The following EDAR variants were observed in gnomAD, a reference collection of about 807,000 sequenced individuals.
EDAR encodes ectodysplasin A receptor.
Under a neutral mutation model 51.3 loss-of-function variants are expected in EDAR, and 38 were observed. The observed-to-expected ratio is 0.74, with a 90% confidence interval of 0.57 to 0.97. The LOEUF is 0.97. EDAR is among the 50% of genes least tolerant of loss of function. The pLI is 0.00. For missense variants in EDAR, 528 were observed against 595.0 expected (o/e 0.89, Z 1.17); for synonymous variants, 227 against 242.1 (o/e 0.94, Z 0.58).
chr2:108,978,204 A>G (rs1437098945), intron 1 of EDAR, among the ~76,000 whole-genome samples: 1 of 152,198 alleles, frequency 6.6e-6, no homozygotes, highest in East Asian at 1.9e-4. Context: ...ATAGACGTGC[A>G]TATCTTTTAG....
intron 11 of EDAR, among the ~76,000 whole-genome samples, chr2:108,898,657 G>T (rs1234909862): frequency 6.6e-6 from 1 of 152,078 alleles, no homozygotes; most frequent in African/African-American, 2.4e-5. Context: ...AGGTTTTAAA[G>T]AATTCATAAT....
chr2:108,921,074 C>T (rs1324860342), intron 5 of EDAR, among the ~76,000 whole-genome samples: 1 of 152,208 alleles, frequency 6.6e-6, no homozygotes, highest in Admixed American at 6.5e-5. Flanking sequence ...TCATAAGAAA[C>T]CCCCAGGGTG....
Position 108,896,883 on chromosome 2 carries a change from G to A in EDAR, c.*24C>T. The A allele has an allele frequency of 1.2e-6, 2 of 1,602,086 alleles. No homozygotes were observed. Among genetic ancestry groups the A allele is most frequent in the Non-Finnish European group, 1.7e-6 (2 of 1,174,108 alleles). ...TCGTTGGCTCCTTGGCTTGTCCTGG[G>A]AGGACAGCCCACAGGCATGCTTTTC... On this transcript the variant is annotated 3_prime_UTR_variant, in exon 12 of 12. Coordinates refer to ENST00000258443, the MANE Select transcript of EDAR (RefSeq NM_022336.4).
At chr2:108,942,898 C>T (rs556761982) in intron 1 of EDAR, among the ~76,000 whole-genome samples, 1 of 152,198 alleles carries the variant, frequency 6.6e-6, no homozygotes, top group Non-Finnish European at 1.5e-5. Context: ...TTGTTTTGAA[C>T]GATTCAATAG....
intron 1 of EDAR, among the ~76,000 whole-genome samples, chr2:108,982,021 C>T (rs995484428): frequency 1.3e-5 from 2 of 152,382 alleles, no homozygotes; most frequent in East Asian, 1.9e-4. Context: ...AAAGAGGGCA[C>T]AGTCAGTGCA....
Position 108,930,922 on chromosome 2 carries a change from A to C in EDAR, c.51+42T>G, listed in dbSNP as rs544243619. The C allele has an allele frequency of 7.5e-6, 12 of 1,601,928 alleles. No individual in the cohort carries two copies. In the African/African-American group the frequency reaches 1.6e-4, roughly 21 times the overall value. The stretch of plus-strand genomic sequence containing the variant: ...GCCAAGAAACAGTCCAACCATCATG[A>C]GGATGAGGGTGCTGTGGGGGTAAGG... On this transcript the variant is annotated intron_variant, in intron 2 of 11. Coordinates refer to ENST00000258443, the MANE Select transcript of EDAR (RefSeq NM_022336.4).
At chr2:108,906,557 C>T (rs1308002199) in intron 10 of EDAR, among the ~76,000 whole-genome samples, 189 bp from the exon 11 acceptor site, 1 of 152,216 alleles carries the variant, frequency 6.6e-6, no homozygotes, top group Non-Finnish European at 1.5e-5. Flanking sequence ...CCTATTCAAA[C>T]ATTTTTGGGG....
intron 11 of EDAR, among the ~76,000 whole-genome samples, chr2:108,905,744 G>A (rs154997): frequency 0.84 from 128,324 of 152,134 alleles, 54,251 homozygotes; most frequent in East Asian, 0.97. Flanking sequence ...TGGAAGCTGA[G>A]GATTATGATT....
intron 5 of EDAR, among the ~76,000 whole-genome samples, chr2:108,918,885 T>C (rs1265938457): frequency 6.6e-6 from 1 of 152,176 alleles, no homozygotes; most frequent in African/African-American, 2.4e-5. Context: ...CTTAGAGCTG[T>C]CAACAAGGGG....
chr2:108,972,358 A>G (rs534151837), intron 1 of EDAR, among the ~76,000 whole-genome samples: 1 of 152,368 alleles, frequency 6.6e-6, no homozygotes, highest in East Asian at 1.9e-4. Flanking sequence ...AAATCAAAAC[A>G]GGGGCAGGGC....
chr2:108,926,168 TGG>T (rs1019870927), intron 4 of EDAR, among the ~76,000 whole-genome samples: 6 of 152,248 alleles, frequency 3.9e-5, no homozygotes, highest in African/African-American at 1.4e-4. Flanking sequence ...TTTTTCTGCC[TGG>T]GCTTGTCACC....
chr2:108,965,763 G>C (rs1385274688), intron 1 of EDAR, among the ~76,000 whole-genome samples: 2 of 152,020 alleles, frequency 1.3e-5, no homozygotes, highest in African/African-American at 2.4e-5. Flanking sequence ...GTGGTGGTGG[G>C]GGGCTGGGGT....
intron 1 of EDAR, among the ~76,000 whole-genome samples, chr2:108,932,943 T>C (rs1697399728): frequency 6.6e-6 from 1 of 152,198 alleles, no homozygotes; most frequent in South Asian, 2.1e-4. Context: ...GGAGCACGCC[T>C]GTCCTGCCTC....
chr2:108,936,304 G>A (rs372041827), intron 1 of EDAR, among the ~76,000 whole-genome samples: 7 of 152,354 alleles, frequency 4.6e-5, no homozygotes, highest in East Asian at 1.9e-4. Flanking sequence ...CCCCTCCAGC[G>A]TGCTTACCTG....
At chr2:108,960,069 C>T (rs1698009660) in intron 1 of EDAR, among the ~76,000 whole-genome samples, 1 of 152,164 alleles carries the variant, frequency 6.6e-6, no homozygotes, top group African/African-American at 2.4e-5. Flanking sequence ...AAGAGGGAAG[C>T]TGGGTGCTGG....
chr2:108,982,447 G>A (rs533536338), intron 1 of EDAR, among the ~76,000 whole-genome samples: 116 of 152,378 alleles, frequency 7.6e-4, no homozygotes, highest in Non-Finnish European at 1.4e-3. Context: ...GGACATTGGC[G>A]TTTGCCAGTG....
At chr2:108,932,506 GCGA>G (rs1697384597) in intron 1 of EDAR, among the ~76,000 whole-genome samples, 1 of 142,482 alleles carries the variant, frequency 7.0e-6, no homozygotes, top group African/African-American at 2.7e-5. Flanking sequence ...TCCAGCCTGG[GCGA>G]CAGAGTGAGA....
chr2:108,929,476 TC>T, intron 3 of EDAR, 97 bp from the exon 4 acceptor site: 1 of 1,307,872 alleles, frequency 7.6e-7, no homozygotes, highest in Non-Finnish European at 1.1e-6. Context: ...GCCAGCTGTC[TC>T]CAGAAGCTAC....
intron 11 of EDAR, among the ~76,000 whole-genome samples, chr2:108,900,248 T>C (rs1433107249): frequency 1.3e-5 from 2 of 152,160 alleles, no homozygotes; most frequent in Non-Finnish European, 2.9e-5. Flanking sequence ...CTACATTTAA[T>C]GTAAATGGTT....
Sources: gnomAD v4.1 joint callset for allele counts (sites outside exome capture counted in the v4.1 genomes callset) on GRCh38, gnomAD v4.1.1 for gene constraint, MANE v1.5 for transcripts, NCBI Gene and HGNC (gene_info 2026-07-23, HGNC 2026-07-21) for gene names.